Variants in TNRC6B observed in about 807,000 individuals in gnomAD.
TNRC6B encodes trinucleotide repeat-containing gene 6B protein.
TNRC6B carries 52 observed loss-of-function variants against 203.6 expected under a neutral mutation model. The observed-to-expected ratio is 0.26, with a 90% confidence interval of 0.20 to 0.32. The LOEUF is 0.32. Among genes scored for constraint, TNRC6B ranks in the 10% least tolerant of loss-of-function variants. The pLI is 1.00. For synonymous variants in TNRC6B, 838 were observed against 845.7 expected, an observed-to-expected ratio of 0.99 and a Z score of 0.16; for missense variants, 1,923 against 2,286.2, an observed-to-expected ratio of 0.84 and a Z score of 3.24.
chr22:40,205,051 T>C lies in TNRC6B; in HGVS notation c.5+26911T>C, dbSNP rs549682698. 2.6e-5 allele frequency among the ~76,000 whole-genome samples: 4 copies of C among 152,356 alleles called. No homozygotes were observed. In the South Asian group the frequency reaches 6.2e-4, roughly 24 times the overall value. On this transcript the variant is annotated intron_variant, in intron 1 of 22. Coordinates refer to ENST00000454349, the MANE Select transcript of TNRC6B (RefSeq NM_001162501.2). ...AGCTAAGAGCAGTTTGCCTAACATA[T>C]GTTAATTTTCACAATGATAATCTCA... is the stretch of plus-strand genomic sequence containing the variant.
chr22:40,253,262 T>TG (rs2070220992), intron 3 of TNRC6B, among the ~76,000 whole-genome samples: 1 of 150,884 alleles, frequency 6.6e-6, no homozygotes, highest in Non-Finnish European at 1.5e-5. Flanking sequence ...TTTTTTTTTT[T>TG]TGTATTTTTA....
intron 1 of TNRC6B, among the ~76,000 whole-genome samples, chr22:40,187,779 A>G (rs1027053166): frequency 6.6e-6 from 1 of 152,178 alleles, no homozygotes; most frequent in African/African-American, 2.4e-5. Context: ...ACCTGGGCCA[A>G]TTGAACGCAT....
intron 4 of TNRC6B, among the ~76,000 whole-genome samples, chr22:40,163,312 C>A (rs543469701): frequency 6.8e-6 from 1 of 147,012 alleles, no homozygotes; most frequent in African/African-American, 2.5e-5. Flanking sequence ...TTCTCAAGAT[C>A]ACCTGAGCCT....
intron 3 of TNRC6B, among the ~76,000 whole-genome samples, chr22:40,132,500 C>T (rs939270057): frequency 1.4e-5 from 2 of 144,806 alleles, no homozygotes; most frequent in Non-Finnish European, 3.0e-5. Flanking sequence ...GAGGCGAGGG[C>T]GAGGGCGAGG....
chr22:40,087,308 T>C (rs1347825264), intron 1 of TNRC6B, among the ~76,000 whole-genome samples: 2 of 152,236 alleles, frequency 1.3e-5, no homozygotes, highest in Non-Finnish European at 2.9e-5. Flanking sequence ...AACAACTTGG[T>C]CCTGCCTTCT....
At chr22:40,249,023 A>G (rs1165349753) in intron 2 of TNRC6B, among the ~76,000 whole-genome samples, 1 of 152,316 alleles carries the variant, frequency 6.6e-6, no homozygotes, top group East Asian at 1.9e-4. Flanking sequence ...CTATGATGCA[A>G]AGAATCGTGG....
chr22:40,299,938 G>A (rs554242390), intron 12 of TNRC6B, among the ~76,000 whole-genome samples: 16 of 152,310 alleles, frequency 1.1e-4, no homozygotes, highest in African/African-American at 3.6e-4. Context: ...GACCTTCCAG[G>A]CTCTTTGATG....
chr22:40,266,675 C>T lies in TNRC6B; in HGVS notation c.2445C>T (p.Ser815=), dbSNP rs752471966. 1.2e-6 allele frequency: 2 copies of T among 1,613,656 alleles called. No homozygotes were observed. The highest frequency in any genetic ancestry group is 2.2e-5 in the East Asian group (1 of 44,888). The change falls in exon 5 of 23, where the codon TCC becomes TCT. Residue 815 remains serine, a synonymous_variant. Coordinates refer to ENST00000454349, the MANE Select transcript of TNRC6B (RefSeq NM_001162501.2). Reference sequence around the variant, plus strand: ...ATGAGACGGGCCGACAGCCCAATTCCTGGAATAAACAACACCAACAGCAGC... The same window carrying T: ...ATGAGACGGGCCGACAGCCCAATTCTTGGAATAAACAACACCAACAGCAGC... ...AWNETGRQPN[S]WNKQHQQQQP...
At chr22:40,207,794 TA>T (rs2069502177) in intron 1 of TNRC6B, among the ~76,000 whole-genome samples, 1 of 151,916 alleles carries the variant, frequency 6.6e-6, no homozygotes, top group Admixed American at 6.6e-5. Context: ...TTTATACTCA[TA>T]AAATTGGCAA....
chr22:40,235,753 A>G (rs2146456356), intron 1 of TNRC6B, among the ~76,000 whole-genome samples: 1 of 152,290 alleles, frequency 6.6e-6, no homozygotes, highest in African/African-American at 2.4e-5. Flanking sequence ...GGAATACTTG[A>G]TCGATTAAAC....
rs372787190 is a variant in TNRC6B, at chr22:40,050,798, A to G, written c.-121+5800A>G. On this transcript the variant is annotated intron_variant, in intron 1 of 23. Coordinates refer to the TNRC6B transcript ENST00000301923. ...GTCTGGGCTTTTGCTTTTGTTATTT[A>G]TTGCTGTCCTGTAGTTTTTTTGTTT... Among the ~76,000 whole-genome samples the G allele has an allele frequency of 2.0e-4, 29 of 145,856 alleles. 1 individual carries two copies. The East Asian group carries it at 5.4e-3, about 27-fold the overall frequency.
chr22:40,319,499 C>G (rs2071306983), intron 21 of TNRC6B, among the ~76,000 whole-genome samples: 2 of 149,754 alleles, frequency 1.3e-5, no homozygotes, highest in African/African-American at 4.9e-5. Flanking sequence ...GATCTCCGCT[C>G]ACTGCAAGCT....
At chr22:40,192,407 C>T (rs940040073) in intron 1 of TNRC6B, among the ~76,000 whole-genome samples, 1 of 152,010 alleles carries the variant, frequency 6.6e-6, no homozygotes, top group Non-Finnish European at 1.5e-5. Flanking sequence ...CACCTGAGGT[C>T]GGGAGTTGGA....
chr22:40,255,883 T>G (rs538262769), intron 3 of TNRC6B, among the ~76,000 whole-genome samples: 1 of 152,126 alleles, frequency 6.6e-6, no homozygotes, highest in African/African-American at 2.4e-5. Flanking sequence ...GACAGAGTCT[T>G]GCTCTGTTGC....
upstream of TNRC6B, among the ~76,000 whole-genome samples, chr22:40,175,990 G>T (rs895163247): frequency 8.5e-5 from 13 of 152,194 alleles, no homozygotes; most frequent in Admixed American, 3.3e-4. Context: ...GGAAAGCCGG[G>T]TTTCTAGAAT....
chr22:40,093,048 C>T (rs1444214267), intron 1 of TNRC6B, among the ~76,000 whole-genome samples: 1 of 152,196 alleles, frequency 6.6e-6, no homozygotes, highest in Non-Finnish European at 1.5e-5. Context: ...AGAACCATTT[C>T]ATCAGTTTAG....
chr22:40,212,521 C>A (rs1834446673), intron 1 of TNRC6B, among the ~76,000 whole-genome samples: 1 of 152,174 alleles, frequency 6.6e-6, no homozygotes, highest in African/African-American at 2.4e-5. Context: ...GGTATGGACA[C>A]AGTTTAAGGT....
chr22:40,097,734 C>T (rs1043409690), intron 1 of TNRC6B, among the ~76,000 whole-genome samples: 9 of 149,696 alleles, frequency 6.0e-5, no homozygotes, highest in African/African-American at 2.0e-4. Flanking sequence ...ACATTGTATA[C>T]ATTATATATA....
At chr22:40,298,882 C>T (rs566036976) in intron 12 of TNRC6B, among the ~76,000 whole-genome samples, 71 of 151,772 alleles carry the variant, frequency 4.7e-4, no homozygotes, top group Middle Eastern at 3.4e-3. Flanking sequence ...AGGAGAATGG[C>T]GTGAACCCAG....
Sources: allele counts gnomAD v4.1 joint callset (sites outside exome capture counted in the v4.1 genomes callset), GRCh38; gene constraint gnomAD v4.1.1; transcripts MANE v1.5; gene names NCBI Gene and HGNC (gene_info 2026-07-23, HGNC 2026-07-21).